The following TCFL5 variants were observed in gnomAD, a reference collection of about 807,000 sequenced individuals.
TCFL5 encodes transcription factor-like 5 protein.
TCFL5 carries 9 observed loss-of-function variants against 44.3 expected under a neutral mutation model. That is an observed-to-expected ratio of 0.20 (90% CI 0.12 to 0.35). The LOEUF is 0.35. TCFL5 is among the 10% of genes least tolerant of loss of function. The pLI, the probability that TCFL5 is intolerant of heterozygous loss-of-function variation, is 1.00. For synonymous variants in TCFL5, 319 were observed against 271.6 expected, an observed-to-expected ratio of 1.17 and a Z score of -1.72; for missense variants, 603 against 613.4, an observed-to-expected ratio of 0.98 and a Z score of 0.18.
At position 62,861,072 on chromosome 20, in the gene TCFL5, G is replaced by A. The variant is rs1176754242; in HGVS notation, c.599C>T (p.Pro200Leu). Residue 200 changes from proline to leucine, a missense_variant, in exon 1 of 6, where the codon CCC becomes CTC. By Grantham distance (98) the Pro-to-Leu change is moderately conservative. This residue lies in a region of TCFL5 where 540 missense variants were observed against 478.7 expected (regional missense o/e 1.13). Transcript: ENST00000335351. The surrounding 1 kb of genome is among the most constrained non-coding windows in gnomAD (Gnocchi z 4.0). ...GGGGGGCTCGGGGCCGCGCGGCGCG[G>A]GCGGCGGCTCGGCGGGGATGCTGTT... ...RFNSIPAEPPPAPRGPEPPEP... is the reference protein window; with the variant it reads ...RFNSIPAEPPLAPRGPEPPEP... The A allele has an allele frequency of 3.0e-6, 3 of 996,010 alleles. No individual in the cohort carries two copies. The highest frequency in any genetic ancestry group is 3.6e-6 in the Non-Finnish European group (3 of 838,862). 61.7% of individuals were successfully genotyped at this position (996,010 alleles called of 1,614,324 possible). A position where few individuals can be genotyped will look rare whatever the true frequency, so the allele number is the denominator to read the frequency against.
chr20:62,848,662 C>T (rs1330170639), intron 5 of TCFL5, among the ~76,000 whole-genome samples: 2 of 151,718 alleles, frequency 1.3e-5, no homozygotes, highest in East Asian at 1.9e-4. Flanking sequence ...CGCTTGAATC[C>T]AGGAGGCGGA....
chr20:62,841,665 A>T lies in TCFL5; in HGVS notation c.*310T>A, dbSNP rs949632179. On this transcript the variant is annotated 3_prime_UTR_variant, in exon 6 of 6. Transcript: ENST00000335351. Reference sequence around the variant, plus strand: ...ACAAAGGATGTCAATTTTTTAAGTTATCATGTTAAGAAAACATGATGGAAT... The same window carrying T: ...ACAAAGGATGTCAATTTTTTAAGTTTTCATGTTAAGAAAACATGATGGAAT... The T allele has an allele frequency of 5.2e-6, 1 of 191,304 alleles. No individual in the cohort carries two copies. The highest frequency in any genetic ancestry group is 1.1e-5 in the Non-Finnish European group (1 of 94,002). 11.9% of individuals were successfully genotyped at this position (191,304 alleles called of 1,614,324 possible).
chr20:62,843,188 T>C (rs2063699151), intron 5 of TCFL5, among the ~76,000 whole-genome samples: 1 of 152,210 alleles, frequency 6.6e-6, no homozygotes, highest in South Asian at 2.1e-4. Context: ...TTAAGATATA[T>C]TTAAAAACTA....
At chr20:62,850,849 C>A (rs1381200010) in intron 5 of TCFL5, among the ~76,000 whole-genome samples, 1 of 152,120 alleles carries the variant, frequency 6.6e-6, no homozygotes, top group Admixed American at 6.5e-5. Flanking sequence ...CTTGGTTGGG[C>A]GCCTCCCTCG....
At chr20:62,853,124 AAGTACAGTCACCCGGTCCAC>A (rs1410117823) in intron 5 of TCFL5, among the ~76,000 whole-genome samples, 8 of 142,236 alleles carry the variant, frequency 5.6e-5, no homozygotes, top group East Asian at 2.3e-4. Context: ...CGGTCCACAG[AAGTACAGTCACCCGGTCCAC>A]AGTATAGTCA....
At chr20:62,856,836 G>A (rs1289691703) in intron 4 of TCFL5, among the ~76,000 whole-genome samples, 2 of 152,104 alleles carry the variant, frequency 1.3e-5, no homozygotes, top group Admixed American at 6.5e-5. Context: ...CCTTAGTGGA[G>A]TCTGCAAACC....
At chr20:62,843,959 G>A (rs1199941917) in intron 5 of TCFL5, among the ~76,000 whole-genome samples, 1 of 152,184 alleles carries the variant, frequency 6.6e-6, no homozygotes, top group African/African-American at 2.4e-5. Flanking sequence ...TCTGTTGTGT[G>A]CTTGTAACAC....
rs761806472 is a variant in TCFL5 at position 62,842,091 on chromosome 20, C to G, written c.1387G>C (p.Glu463Gln). The change falls in exon 6 of 6, where the codon GAG (glutamate) becomes CAG (glutamine). Residue 463 changes from glutamate (E) to glutamine (Q), a missense_variant. Physicochemically the swap from Glu to Gln is conservative, Grantham distance 29. Around this residue, in one of 4 missense-constraint regions of TCFL5, gnomAD observed 41 missense variants for 61.4 expected, o/e 0.67. Coordinates refer to ENST00000335351, the MANE Select transcript of TCFL5 (RefSeq NM_006602.4). This position sits in a 1 kb window ranked among gnomAD's most constrained non-coding sequence, Gnocchi z 4.3. Reference protein sequence around the residue: ...RHGDSLKKEFESVFCGKTGRR... With the variant: ...RHGDSLKKEFQSVFCGKTGRR... Reference sequence around the variant, plus strand: ...CCAGTTTTACCGCAAAATACGCTCTCAAATTCCTGCAGTGAAGAAGTGACG... The same window carrying G: ...CCAGTTTTACCGCAAAATACGCTCTGAAATTCCTGCAGTGAAGAAGTGACG... 108 of 1,614,014 alleles carry G rather than the reference C, an allele frequency of 6.7e-5. No individual in the cohort carries two copies. Among genetic ancestry groups the G allele is most frequent in the Non-Finnish European group, 8.6e-5 (102 of 1,180,022 alleles).
rs1252588915 is a variant in TCFL5, at chr20:62,861,631, C to G, written c.40G>C (p.Gly14Arg). The G allele has an allele frequency of 2.0e-6, 2 of 994,876 alleles. No individual in the cohort carries two copies. Among genetic ancestry groups the G allele is most frequent in the African/African-American group, 3.5e-5 (2 of 56,934 alleles). 61.6% of individuals were successfully genotyped at this position (994,876 alleles called of 1,614,324 possible). ...ACGGCCGCCTCGCCGCCTGCCGCGC[C>G]TGCCTCCGGCGGCGGCTCCCGCGGT... is the stretch of plus-strand genomic sequence containing the variant. ...PGPREPPPEA[G>R]AAGGEAAVEG... is the part of the protein sequence containing the mutation. Residue 14 changes from glycine (G) to arginine (R), a missense_variant, in exon 1 of 6, where the codon GGC becomes CGC. Physicochemically the swap from Gly to Arg is moderately radical, Grantham distance 125. Around this residue, in one of 4 missense-constraint regions of TCFL5, gnomAD observed 540 missense variants for 478.7 expected, o/e 1.13. Coordinates refer to ENST00000335351, the MANE Select transcript of TCFL5 (RefSeq NM_006602.4). The surrounding 1 kb of genome is among the most constrained non-coding windows in gnomAD (Gnocchi z 4.0).
chr20:62,844,369 A>T (rs527927757), intron 5 of TCFL5, among the ~76,000 whole-genome samples: 5 of 152,192 alleles, frequency 3.3e-5, no homozygotes, highest in African/African-American at 1.2e-4. Flanking sequence ...CCATCTGTGT[A>T]TCTTCTCTGG....
intron 5 of TCFL5, chr20:62,852,331 C>T (rs1293857805): frequency 2.0e-6 from 2 of 984,844 alleles, no homozygotes; most frequent in African/African-American, 1.7e-5. Flanking sequence ...AACTCGGGTC[C>T]CCCAAAGGCA....
intron 5 of TCFL5, chr20:62,845,606 C>A (rs944991803): frequency 6.3e-7 from 1 of 1,578,312 alleles, no homozygotes; most frequent in African/African-American, 1.4e-5. Flanking sequence ...AGAAGTTAGA[C>A]CCTCGGAGCT....
chr20:62,842,139 C>T lies in TCFL5; in HGVS notation c.1381-42G>A. The T allele has an allele frequency of 6.2e-7, 1 of 1,610,936 alleles. No homozygotes were observed. Among genetic ancestry groups the T allele is most frequent in the Non-Finnish European group, 8.5e-7 (1 of 1,178,150 alleles). On this transcript the variant is annotated intron_variant, in intron 5 of 5. Coordinates refer to ENST00000335351, the MANE Select transcript of TCFL5 (RefSeq NM_006602.4). The surrounding 1 kb of genome is among the most constrained non-coding windows in gnomAD (Gnocchi z 4.3). ...ACGGTTAACATACTGAATTAACTGA[C>T]ATGAAAACTGCTGTCTTCCAAAGTG...
In TCFL5 at chr20:62,854,009, C is replaced by T. The variant is rs995705590; in HGVS notation, c.1380+7G>A. 4 of 1,613,334 alleles carry T rather than the reference C, an allele frequency of 2.5e-6. No individual in the cohort carries two copies. The highest frequency in any genetic ancestry group is 3.4e-6 in the Non-Finnish European group (4 of 1,179,806). On this transcript the variant is annotated splice_region_variant and intron_variant, in intron 5 of 5. Transcript: ENST00000335351. ...AATTCTGAAAATCTACCTGGCCTAC[C>T]ACTAACCTTTTTAAGAGAATCTCCA...
chr20:62,859,877 C>A (rs569588852), intron 2 of TCFL5, among the ~76,000 whole-genome samples: 2 of 152,196 alleles, frequency 1.3e-5, no homozygotes, highest in South Asian at 4.2e-4. Flanking sequence ...TCCGCCACTA[C>A]CACCTGGTTA....
Position 62,841,557 on chromosome 20 carries a change from T to C in TCFL5, c.*418A>G, listed in dbSNP as rs1203756121. ...TTTCCAAACTGTTTTTAGTTAACAA[T>C]TTAACTTGTTCCAATTGCTAAAGGG... On this transcript the variant is annotated 3_prime_UTR_variant, in exon 6 of 6. Transcript: ENST00000335351. 1 of 156,076 alleles carries C rather than the reference T, an allele frequency of 6.4e-6. No homozygotes were observed. The highest frequency in any genetic ancestry group is 2.4e-5 in the African/African-American group (1 of 41,478). The allele number at this position is 156,076 out of a possible 1,614,324, so 9.7% of individuals were successfully genotyped here. A position where few individuals can be genotyped will look rare whatever the true frequency, so the allele number is the denominator to read the frequency against.
At chr20:62,852,605 T>C in intron 5 of TCFL5, 1 of 981,804 alleles carries the variant, frequency 1.0e-6, no homozygotes, top group Non-Finnish European at 1.2e-6. Flanking sequence ...ATGCTGGCGC[T>C]AACACGCCGG....
chr20:62,843,243 G>A (rs1267498885), intron 5 of TCFL5, among the ~76,000 whole-genome samples: 6 of 152,224 alleles, frequency 3.9e-5, no homozygotes, highest in Non-Finnish European at 5.9e-5. Flanking sequence ...TGAGCTGACC[G>A]TAGAGACACC....
chr20:62,849,751 A>G (rs1600837153), intron 5 of TCFL5, among the ~76,000 whole-genome samples: 1 of 152,070 alleles, frequency 6.6e-6, no homozygotes, highest in East Asian at 1.9e-4. Flanking sequence ...TTGAGCCCAG[A>G]AGTATGAGAC....
Sources: allele counts gnomAD v4.1 joint callset (sites outside exome capture counted in the v4.1 genomes callset), GRCh38; gene constraint gnomAD v4.1.1; regional missense constraint gnomAD v4.1.1; non-coding constraint Gnocchi (gnomAD v3.1); transcripts MANE v1.5; gene names NCBI Gene and HGNC (gene_info 2026-07-23, HGNC 2026-07-21).